Variants in ZNF625 observed in about 807,000 individuals in gnomAD.
ZNF625 encodes the protein zinc finger protein 625.
Under a neutral mutation model 11.1 loss-of-function variants are expected in ZNF625, and 8 were observed. The observed-to-expected ratio is 0.72, with a 90% CI of 0.42 to 1.30. The LOEUF is 1.30. Among genes scored for constraint, ZNF625 ranks in the 50% most tolerant of loss-of-function variants. The pLI, the probability that ZNF625 is intolerant of heterozygous loss-of-function variation, is 0.01. For synonymous variants in ZNF625, 145 were observed against 153.4 expected, an observed-to-expected ratio of 0.95 and a Z score of 0.41; for missense variants, 349 against 447.6, an observed-to-expected ratio of 0.78 and a Z score of 1.99.
chr19:12,150,488 C>T (rs896775706), intron 1 of ZNF625, among the ~76,000 whole-genome samples: 2 of 152,124 alleles, frequency 1.3e-5, no homozygotes, highest in Non-Finnish European at 2.9e-5. Context: ...CTTCTGTAAC[C>T]CTTGATACCT....
chr19:12,155,504 C>T (rs1239548944), intron 1 of ZNF625, among the ~76,000 whole-genome samples: 1 of 152,152 alleles, frequency 6.6e-6, no homozygotes, highest in Non-Finnish European at 1.5e-5. Context: ...CTTCTAAGCC[C>T]CGCTTCTACG....
In ZNF625 at chr19:12,145,976, A is replaced by C; in HGVS notation, c.440T>G (p.Leu147Arg). 4 of 1,614,170 alleles carry C rather than the reference A, an allele frequency of 2.5e-6. No homozygotes were observed. The highest frequency in any genetic ancestry group is 3.4e-6 in the Non-Finnish European group (4 of 1,180,034). Reference protein sequence around the residue: ...CTYCKKAFSDLPYFRTHEWAH... With the variant: ...CTYCKKAFSDRPYFRTHEWAH... ...CCATTCATGTGTTCGAAAGTAGGGG[A>C]GATCACTGAAGGCTTTCTTACAGTA... The change falls in exon 4 of 4, where the codon CTC (leucine) becomes CGC (arginine). Residue 147 changes from leucine to arginine, a missense_variant. Transcript: ENST00000439556.
At position 12,156,586 on chromosome 19, in the gene ZNF625, C is replaced by G; in HGVS notation, c.-28G>C. The G allele has an allele frequency of 7.3e-7, 1 of 1,375,770 alleles. No individual in the cohort carries two copies. Among genetic ancestry groups the G allele is most frequent in the African/African-American group, 1.5e-5 (1 of 66,844 alleles). The allele number at this position is 1,375,770 out of a possible 1,614,324, so 85.2% of individuals were successfully genotyped here. A position where few individuals can be genotyped will look rare whatever the true frequency, so the allele number is the denominator to read the frequency against. ...CCCGGCTTCCAGGTGTCCTGGCCTCCTCTCCACGGATCCCTCTAACAGTCC... is the reference window on the plus strand; with the variant it reads ...CCCGGCTTCCAGGTGTCCTGGCCTCGTCTCCACGGATCCCTCTAACAGTCC... On this transcript the variant is annotated 5_prime_UTR_variant, in exon 1 of 4. Transcript: ENST00000439556.
At chr19:12,156,453 A>C in intron 1 of ZNF625, 103 bp downstream of exon 1, 1 of 990,748 alleles carries the variant, frequency 1.0e-6, no homozygotes, top group Non-Finnish European at 1.3e-6. Context: ...CGCTCTGCAG[A>C]CCCGAAGTCG....
At position 12,156,714 on chromosome 19, in the gene ZNF625, C is replaced by T; in HGVS notation, c.-156G>A. ...CCCGACCTCCCTTTGGTGCAAGACG[C>T]CTGGGAGTCAGGAAAGCGGGAATGC... On this transcript the variant is annotated 5_prime_UTR_variant, in exon 1 of 4. Coordinates refer to ENST00000439556, the MANE Select transcript of ZNF625 (RefSeq NM_145233.4). The T allele has an allele frequency of 1.5e-6, 1 of 662,008 alleles. No homozygotes were observed. 41.0% of individuals were successfully genotyped at this position (662,008 alleles called of 1,614,324 possible).
In ZNF625 at chr19:12,145,576, A is replaced by G. The variant is rs778114338; in HGVS notation, c.840T>C (p.Cys280=). 2.5e-6 allele frequency: 4 copies of G among 1,610,316 alleles called. No individual in the cohort carries two copies. Among genetic ancestry groups the G allele is most frequent in the Non-Finnish European group, 3.4e-6 (4 of 1,176,570 alleles). Residue 280 remains cysteine (C), a synonymous_variant, in exon 4 of 4, where the codon TGT becomes TGC. Coordinates refer to ENST00000439556, the MANE Select transcript of ZNF625 (RefSeq NM_145233.4). ...AATTGAAAGAAACAAAGGCTTTCCC[A>G]CACTGTTTACATTCATACGGCTTCT... ...TGEKPYECKQ[C]GKAFVSFNSV... is the part of the protein sequence containing the mutation.
intron 3 of ZNF625, among the ~76,000 whole-genome samples, chr19:12,146,666 A>C (rs528212158): frequency 6.6e-5 from 10 of 152,280 alleles, no homozygotes; most frequent in Admixed American, 2.0e-4. Context: ...TCCTAGACTC[A>C]AGCAATCTGC....
rs113948189 is a variant in ZNF625 at position 12,145,170 on chromosome 19, T to G, written c.*127A>C. 21 of 1,224,254 alleles carry G rather than the reference T, an allele frequency of 1.7e-5. No individual in the cohort carries two copies. In the African/African-American group the frequency reaches 2.7e-4, roughly 16 times the overall value. 75.8% of individuals were successfully genotyped at this position (1,224,254 alleles called of 1,614,324 possible). A position where few individuals can be genotyped will look rare whatever the true frequency, so the allele number is the denominator to read the frequency against. On this transcript the variant is annotated 3_prime_UTR_variant, in exon 4 of 4. Coordinates refer to ENST00000439556, the MANE Select transcript of ZNF625 (RefSeq NM_145233.4). ...TTGCTCCTGGGCTACTGGCATTTAT[T>G]TCTGAATGCTGTCAAATGACAGTGA...
chr19:12,146,970 A>ATTTTTTTTT lies in ZNF625; in HGVS notation c.191+416_191+424dup, dbSNP rs934558893. On this transcript the variant is annotated intron_variant, in intron 3 of 3. Transcript: ENST00000439556. ...CACACTTAAATATATGTTTTTAGAG[A>ATTTTTTTTT]TTTTTTTTTTTTTTGAGACGGAGTC... Among the ~76,000 whole-genome samples, 854 of 130,790 alleles carry ATTTTTTTTT rather than the reference A, an allele frequency of 6.5e-3. 30 individuals carry two copies. Among genetic ancestry groups the ATTTTTTTTT allele is most frequent in the Middle Eastern group, 0.012 (3 of 248 alleles). 85.8% of individuals were successfully genotyped at this position (130,790 alleles called of 152,430 possible).
chr19:12,149,393 G>A (rs1976923579), intron 1 of ZNF625, among the ~76,000 whole-genome samples: 1 of 148,744 alleles, frequency 6.7e-6, no homozygotes, highest in South Asian at 2.1e-4. Context: ...ATATATATAT[G>A]CAATGGAATA....
intron 1 of ZNF625, among the ~76,000 whole-genome samples, chr19:12,155,623 A>C (rs1472640664): frequency 6.6e-6 from 1 of 151,920 alleles, no homozygotes; most frequent in Non-Finnish European, 1.5e-5. Flanking sequence ...GGGACCACTT[A>C]CTCGAGGCTA....
intron 1 of ZNF625, among the ~76,000 whole-genome samples, chr19:12,151,450 G>A (rs1369713020): frequency 7.4e-5 from 11 of 148,208 alleles, no homozygotes; most frequent in South Asian, 4.3e-4. Context: ...GCACGATCTC[G>A]GCTCACTGCA....
intron 1 of ZNF625, among the ~76,000 whole-genome samples, chr19:12,152,505 T>C (rs756945813): frequency 2.6e-4 from 40 of 152,052 alleles, no homozygotes; most frequent in South Asian, 8.3e-4. Flanking sequence ...AACATCATAA[T>C]AGATGCAGAA....
chr19:12,148,911 TG>T (rs2145610668), intron 1 of ZNF625, among the ~76,000 whole-genome samples: 1 of 151,968 alleles, frequency 6.6e-6, no homozygotes, highest in East Asian at 1.9e-4. Flanking sequence ...CATGAGCCAC[TG>T]CGCCTGGCCA....
intron 1 of ZNF625, among the ~76,000 whole-genome samples, chr19:12,153,790 G>A (rs921379074): frequency 1.4e-5 from 2 of 146,814 alleles, no homozygotes; most frequent in Non-Finnish European, 1.5e-5. Context: ...AAAGACTTAT[G>A]TTAGTTTTAT....
intron 1 of ZNF625, among the ~76,000 whole-genome samples, chr19:12,156,007 G>A (rs939971367): frequency 6.6e-6 from 1 of 151,966 alleles, no homozygotes; most frequent in East Asian, 1.9e-4. Flanking sequence ...GCGGCACCAC[G>A]CCCGGCTCAT....
Position 12,145,355 on chromosome 19 carries a change from G to A in ZNF625, c.1061C>T (p.Thr354Ile). 2.5e-6 allele frequency: 4 copies of A among 1,614,162 alleles called. No homozygotes were observed. The Middle Eastern group carries it at 4.9e-4, about 200-fold the overall frequency. Residue 354 changes from threonine to isoleucine, a missense_variant, in exon 4 of 4, where the codon ACT becomes ATT. By Grantham distance (89) the Thr-to-Ile change is moderately conservative (BLOSUM62 -1). Transcript: ENST00000439556. The stretch of plus-strand genomic sequence containing the variant: ...GTTGGAGCTACAGGGTTTTTCTCCA[G>A]TGTGAGTCCTTTCATGGATTTTAAC... Reference protein sequence around the residue: ...SSVKIHERTHTGEKPCSSNTS... With the variant: ...SSVKIHERTHIGEKPCSSNTS...
intron 3 of ZNF625, 120 bp from the exon 4 acceptor site, chr19:12,146,344 T>C (rs1976872876): frequency 2.2e-6 from 2 of 925,574 alleles, no homozygotes; most frequent in African/African-American, 3.3e-5. Context: ...TTCTGCCCTG[T>C]CTGAACATGA....
At chr19:12,149,055 G>A (rs1183075614) in intron 1 of ZNF625, among the ~76,000 whole-genome samples, 1 of 151,940 alleles carries the variant, frequency 6.6e-6, no homozygotes, top group East Asian at 1.9e-4. Context: ...GCCAAGGCAG[G>A]TGGATCACGA....
Sources: gnomAD v4.1 joint callset for allele counts (sites outside exome capture counted in the v4.1 genomes callset) on GRCh38, gnomAD v4.1.1 for gene constraint, MANE v1.5 for transcripts, NCBI Gene and HGNC (gene_info 2026-07-23, HGNC 2026-07-21) for gene names.